DAPP1: variants seen among roughly 807,000 people sequenced by gnomAD.
DAPP1 encodes dual adapter for phosphotyrosine and 3-phosphotyrosine and 3-phosphoinositide.
A neutral mutation model predicts 41.5 loss-of-function variants in DAPP1; 20 were observed. The observed-to-expected ratio is 0.48, with a 90% CI of 0.34 to 0.70. The LOEUF (loss-of-function observed/expected upper bound fraction) is 0.70, where lower values mean the gene tolerates loss of function less well. Ranked by LOEUF, DAPP1 falls within the 30% of genes least tolerant of loss-of-function variation. The pLI, the probability that DAPP1 is intolerant of heterozygous loss-of-function variation, is 0.01. For synonymous variants in DAPP1, 113 were observed against 116.2 expected, an observed-to-expected ratio of 0.97 and a Z score of 0.18; for missense variants, 233 against 333.4, an observed-to-expected ratio of 0.70 and a Z score of 2.35.
rs547565708 is a variant in DAPP1 at position 99,829,962 on chromosome 4, ATATTCCTTTCT to A, written c.102-5659_102-5649del. Among the ~76,000 whole-genome samples, 600 of 152,338 alleles carry A rather than the reference ATATTCCTTTCT, an allele frequency of 3.9e-3. 5 individuals are homozygous for A. The highest frequency in any genetic ancestry group is 0.014 in the African/African-American group (565 of 41,572). On this transcript the variant is annotated intron_variant, in intron 1 of 8. Coordinates refer to ENST00000512369, the MANE Select transcript of DAPP1 (RefSeq NM_014395.3). The stretch of plus-strand genomic sequence containing the variant: ...ATTTGCGATTTCTCATTTTAAATAA[ATATTCCTTTCT>A]TTTTTGTAATTTTGCATAATTTGTC...
chr4:99,867,970 G>C (rs1293914706), intron 8 of DAPP1, 147 bp from the exon 9 acceptor site: 3 of 697,102 alleles, frequency 4.3e-6, no homozygotes, highest in Non-Finnish European at 4.8e-6. Flanking sequence ...ATGATAATTA[G>C]CTTATAGTTG....
intron 3 of DAPP1, among the ~76,000 whole-genome samples, chr4:99,846,953 C>A (rs1049334645): frequency 2.0e-5 from 3 of 152,192 alleles, no homozygotes; most frequent in Non-Finnish European, 4.4e-5. Context: ...TCCCACCAAC[C>A]CCAAGAAATC....
rs563439945 is a variant in DAPP1 at position 99,824,110 on chromosome 4, A to T, written c.101+7096A>T. The stretch of plus-strand genomic sequence containing the variant: ...TTGCATGTTTGGGTTGATTCACCAG[A>T]TACTCTTGAAACCATTTTGCAGATG... On this transcript the variant is annotated intron_variant, in intron 1 of 8. Transcript: ENST00000512369. Among the ~76,000 whole-genome samples the T allele has an allele frequency of 2.0e-5, 3 of 152,300 alleles. No homozygotes were observed. In the East Asian group the frequency reaches 5.8e-4, roughly 29 times the overall value.
intron 2 of DAPP1, among the ~76,000 whole-genome samples, chr4:99,837,816 A>C (rs1332435391): frequency 1.3e-5 from 2 of 152,124 alleles, no homozygotes; most frequent in African/African-American, 4.8e-5. Flanking sequence ...ATTCAGAATC[A>C]GTGGGAGCCC....
chr4:99,822,633 A>G (rs1722810840), intron 1 of DAPP1, among the ~76,000 whole-genome samples: 1 of 152,190 alleles, frequency 6.6e-6, no homozygotes, highest in South Asian at 2.1e-4. Flanking sequence ...CCAGTCCCCA[A>G]GACCCATCTG....
intron 1 of DAPP1, among the ~76,000 whole-genome samples, chr4:99,822,675 T>C (rs1722812266): frequency 6.6e-6 from 1 of 152,148 alleles, no homozygotes. Context: ...CTGGTTCTGG[T>C]CTCTACCTCT....
At chr4:99,851,534 G>GTTTTTTTTTTTTTTTTTT (rs537614787) in intron 3 of DAPP1, among the ~76,000 whole-genome samples, 4 of 77,758 alleles carry the variant, frequency 5.1e-5, no homozygotes, top group Non-Finnish European at 4.7e-5. Flanking sequence ...GTTTTGTGTA[G>GTTTTTTTTTTTTTTTTTT]TTTTTTTTTT....
intron 1 of DAPP1, among the ~76,000 whole-genome samples, chr4:99,825,905 C>A (rs1040491223): frequency 6.6e-6 from 1 of 152,164 alleles, no homozygotes. Context: ...TAAATTACAG[C>A]ACTGGTAGCT....
At chr4:99,833,396 A>C (rs959107858) in intron 1 of DAPP1, among the ~76,000 whole-genome samples, 11 of 152,230 alleles carry the variant, frequency 7.2e-5, no homozygotes, top group Non-Finnish European at 1.5e-4. Flanking sequence ...AAAATATGCT[A>C]AGAAACATGC....
intron 1 of DAPP1, among the ~76,000 whole-genome samples, chr4:99,822,226 ATGT>A (rs1681235397): frequency 1.3e-5 from 2 of 152,288 alleles, no homozygotes; most frequent in South Asian, 4.1e-4. Flanking sequence ...CAGACTGTCC[ATGT>A]TGTGGGGAGT....
At chr4:99,821,451 G>A (rs6814895) in intron 1 of DAPP1, among the ~76,000 whole-genome samples, 83,731 of 152,104 alleles carry the variant, frequency 0.55, 23,653 homozygotes, top group African/African-American at 0.68. Flanking sequence ...ATGTATTCTA[G>A]TAATGGCAAT....
intron 5 of DAPP1, among the ~76,000 whole-genome samples, chr4:99,862,142 G>A (rs1174439535): frequency 6.6e-6 from 1 of 152,124 alleles, no homozygotes; most frequent in Non-Finnish European, 1.5e-5. Context: ...GTGCCAAGAA[G>A]ACCTTCATGG....
intron 1 of DAPP1, among the ~76,000 whole-genome samples, chr4:99,823,164 G>A (rs11097676): frequency 0.32 from 49,332 of 151,974 alleles, 8,520 homozygotes; most frequent in African/African-American, 0.44. Context: ...ACTGTTCATC[G>A]AAAGAGTCAA....
intron 1 of DAPP1, among the ~76,000 whole-genome samples, chr4:99,835,412 C>A (rs193236413): frequency 7.8e-4 from 119 of 152,296 alleles, no homozygotes; most frequent in Admixed American, 2.0e-3. Flanking sequence ...GGACACAATT[C>A]AACCCATGTC....
chr4:99,853,114 GAAAAAAACA>G, intron 3 of DAPP1, 95 bp from the exon 4 acceptor site: 12 of 1,378,908 alleles, frequency 8.7e-6, no homozygotes, highest in Non-Finnish European at 1.1e-5. Flanking sequence ...GGGAATACAT[GAAAAAAACA>G]AAAGACTTTC....
Position 99,838,765 on chromosome 4 carries a change from T to C in DAPP1, c.225-1524T>C, listed in dbSNP as rs556664511. Among the ~76,000 whole-genome samples, 13 of 152,296 alleles carry C rather than the reference T, an allele frequency of 8.5e-5. 1 individual carries two copies. The South Asian group carries it at 2.7e-3, about 32-fold the overall frequency. ...GGATCCCTGCTGTAGAAGATTGAAATACCTTATTTTGGGGAATTACAGCCT... is the reference window on the plus strand; with the variant it reads ...GGATCCCTGCTGTAGAAGATTGAAACACCTTATTTTGGGGAATTACAGCCT... On this transcript the variant is annotated intron_variant, in intron 2 of 8. Coordinates refer to ENST00000512369, the MANE Select transcript of DAPP1 (RefSeq NM_014395.3).
intron 7 of DAPP1, 121 bp from the exon 8 acceptor site, chr4:99,865,912 TA>T (rs1724410959): frequency 1.1e-5 from 1 of 91,336 alleles, no homozygotes; most frequent in Non-Finnish European, 2.0e-5. Flanking sequence ...TATATATATA[TA>T]TATATATATA....
intron 1 of DAPP1, 44 bp from the exon 2 acceptor site, chr4:99,835,579 G>A: frequency 1.2e-6 from 2 of 1,602,616 alleles, no homozygotes; most frequent in South Asian, 1.1e-5. Flanking sequence ...GGGGAGTCAT[G>A]CCATGGTTTG....
At chr4:99,850,575 A>C (rs1234387807) in intron 3 of DAPP1, among the ~76,000 whole-genome samples, 1 of 152,196 alleles carries the variant, frequency 6.6e-6, no homozygotes, top group African/African-American at 2.4e-5. Context: ...AAAGTATAAG[A>C]GTTCAAAATG....
Sources: allele counts gnomAD v4.1 joint callset (sites outside exome capture counted in the v4.1 genomes callset), GRCh38; gene constraint gnomAD v4.1.1; transcripts MANE v1.5; gene names NCBI Gene and HGNC (gene_info 2026-07-23, HGNC 2026-07-21).